GPLD1: variants seen among roughly 807,000 people sequenced by gnomAD.
GPLD1 encodes glycosylphosphatidylinositol specific phospholipase D1.
In GPLD1, 84 loss-of-function variants were observed where a neutral mutation model predicts 112.6. The ratio of observed to expected loss-of-function variants is 0.75; its 90% CI spans 0.63 to 0.89. GPLD1 has a LOEUF of 0.89. Ranked by LOEUF, GPLD1 falls within the 40% of genes least tolerant of loss-of-function variation. The pLI, the probability that GPLD1 is intolerant of heterozygous loss-of-function variation, is 0.00. For synonymous variants in GPLD1, 386 were observed against 403.8 expected (o/e 0.96, Z 0.53); for missense variants, 1,044 against 1,051.5 (o/e 0.99, Z 0.10).
At chr6:24,482,096 G>A (rs1250157893) in intron 2 of GPLD1, among the ~76,000 whole-genome samples, 1 of 102,126 alleles carries the variant, frequency 9.8e-6, no homozygotes, top group Non-Finnish European at 1.9e-5. Flanking sequence ...TGTATTTTTG[G>A]ATTTTTTTTT....
chr6:24,439,999 C>T (rs1025457368), intron 20 of GPLD1, among the ~76,000 whole-genome samples: 13 of 152,152 alleles, frequency 8.5e-5, no homozygotes, highest in African/African-American at 3.1e-4. Flanking sequence ...TAAATACACA[C>T]ACAAGTGTTT....
chr6:24,449,897 G>A lies in GPLD1; in HGVS notation c.1338C>T (p.Pro446=). 6.2e-7 allele frequency: 1 copy of A among 1,609,486 alleles called. No homozygotes were observed. Among genetic ancestry groups the A allele is most frequent in the South Asian group, 1.1e-5 (1 of 90,944 alleles). Reference sequence around the variant, plus strand: ...CCAAGGCCGAGCCAAACCGACCTGAGGGCTGAAGAGGCACAAGTTTACTTC... The same window carrying A: ...CCAAGGCCGAGCCAAACCGACCTGAAGGCTGAAGAGGCACAAGTTTACTTC... ...EAHRILEGFQ[P]SGRFGSALAV... Residue 446 remains proline (P), a splice_region_variant and synonymous_variant, in exon 15 of 25, where the codon CCC becomes CCT. Transcript: ENST00000230036.
upstream of GPLD1, among the ~76,000 whole-genome samples, chr6:24,490,689 T>C (rs1011203752): frequency 3.3e-5 from 5 of 151,588 alleles, no homozygotes; most frequent in Admixed American, 3.3e-4. Flanking sequence ...GAGGTGGAGA[T>C]TGCGGTGAGC....
intron 1 of GPLD1, among the ~76,000 whole-genome samples, chr6:24,488,999 T>C (rs1764475130): frequency 1.3e-5 from 2 of 152,208 alleles, no homozygotes; most frequent in Non-Finnish European, 2.9e-5. Context: ...TATGGCTCTT[T>C]ACATATACTT....
Position 24,426,018 on chromosome 6 carries a change from C to T in GPLD1, c.*3014G>A, listed in dbSNP as rs900954437. 6.6e-6 allele frequency: 1 copy of T among 152,192 alleles called. No individual in the cohort carries two copies. The highest frequency in any genetic ancestry group is 1.5e-5 in the Non-Finnish European group (1 of 68,042). 9.4% of individuals were successfully genotyped at this position (152,192 alleles called of 1,614,324 possible). ...TGCAGAGACCCTAGTTTTGTCCCCA[C>T]TCCATCTTCAAATAATTTTGGTCTC... On this transcript the variant is annotated 3_prime_UTR_variant, in exon 25 of 25. Coordinates refer to ENST00000230036, the MANE Select transcript of GPLD1 (RefSeq NM_001503.4).
chr6:24,428,560 G>C lies in GPLD1; in HGVS notation c.*472C>G, dbSNP rs1271978126. The C allele has an allele frequency of 2.0e-5, 3 of 152,494 alleles. No individual in the cohort carries two copies. Among genetic ancestry groups the C allele is most frequent in the Non-Finnish European group, 2.9e-5 (2 of 68,284 alleles). 9.4% of individuals were successfully genotyped at this position (152,494 alleles called of 1,614,324 possible). A position where few individuals can be genotyped will look rare whatever the true frequency, so the allele number is the denominator to read the frequency against. On this transcript the variant is annotated 3_prime_UTR_variant, in exon 25 of 25. Coordinates refer to ENST00000230036, the MANE Select transcript of GPLD1 (RefSeq NM_001503.4). The stretch of plus-strand genomic sequence containing the variant: ...CCATCCATGTCCCTGCAAAGGGCAT[G>C]ATCTTGTTCTTTCTTTATGGCTGAA...
At chr6:24,454,301 TCTCA>T (rs1424555617) in intron 13 of GPLD1, 100 bp from the exon 14 acceptor site, 2 of 763,008 alleles carry the variant, frequency 2.6e-6, no homozygotes, top group East Asian at 3.0e-5. Context: ...ATTAACTTTC[TCTCA>T]CTGACTTTTC....
At chr6:24,452,262 C>T (rs963322425) in intron 14 of GPLD1, among the ~76,000 whole-genome samples, 1 of 152,194 alleles carries the variant, frequency 6.6e-6, no homozygotes, top group African/African-American at 2.4e-5. Flanking sequence ...ACACAACAGT[C>T]TGTCGGGGAA....
intron 14 of GPLD1, among the ~76,000 whole-genome samples, chr6:24,453,135 C>A (rs774847616): frequency 6.6e-6 from 1 of 152,174 alleles, no homozygotes; most frequent in Non-Finnish European, 1.5e-5. Flanking sequence ...GTAGTCACTG[C>A]GGGTTTTTTC....
At position 24,475,146 on chromosome 6, in the gene GPLD1, T is replaced by TG; in HGVS notation, c.415dup (p.Gln139ProfsTer5). 1 of 1,603,930 alleles carries TG rather than the reference T, an allele frequency of 6.2e-7. No homozygotes were observed. The highest frequency in any genetic ancestry group is 1.3e-5 in the African/African-American group (1 of 74,830). ...AGCTCCCATGGTCCTAAGGAATCCT[T>TG]GTTCAAGGCCCAGACTATGCCAGCT... On this transcript the variant is annotated frameshift_variant, in exon 5 of 25. Coordinates refer to ENST00000230036, the MANE Select transcript of GPLD1 (RefSeq NM_001503.4). LOFTEE classifies it high-confidence loss of function.
intron 15 of GPLD1, among the ~76,000 whole-genome samples, chr6:24,449,109 C>T (rs1410277779): frequency 6.6e-6 from 1 of 151,722 alleles, no homozygotes; most frequent in Non-Finnish European, 1.5e-5. Flanking sequence ...TAAAGAAAGA[C>T]AGGGGAGAAA....
At chr6:24,492,491 G>A (rs1451026592), upstream of GPLD1, among the ~76,000 whole-genome samples, 2 of 114,268 alleles carry the variant, frequency 1.8e-5, no homozygotes, top group African/African-American at 6.9e-5. Flanking sequence ...GGGCGACAGA[G>A]TAAGACCCTG....
At chr6:24,474,534 A>C (rs937818332) in intron 5 of GPLD1, among the ~76,000 whole-genome samples, 6 of 152,194 alleles carry the variant, frequency 3.9e-5, no homozygotes, top group Non-Finnish European at 1.5e-5. Context: ...AAAGCATAAG[A>C]TTTATCAATT....
intron 2 of GPLD1, among the ~76,000 whole-genome samples, chr6:24,483,482 C>T (rs1406920334): frequency 6.6e-6 from 1 of 151,440 alleles, no homozygotes; most frequent in Non-Finnish European, 1.5e-5. Flanking sequence ...AGTTTGAGAC[C>T]AGCCTGGGAA....
At chr6:24,445,984 T>C (rs1375282180) in intron 18 of GPLD1, among the ~76,000 whole-genome samples, 153 bp from the exon 19 acceptor site, 2 of 151,826 alleles carry the variant, frequency 1.3e-5, no homozygotes, top group Non-Finnish European at 2.9e-5. Flanking sequence ...GTGGGGACTA[T>C]TGGAGTTAAT....
chr6:24,481,604 C>A (rs1764206071), intron 2 of GPLD1, among the ~76,000 whole-genome samples: 1 of 152,116 alleles, frequency 6.6e-6, no homozygotes, highest in African/African-American at 2.4e-5. Context: ...GAGTTTGGCT[C>A]AGAAATGGAC....
intron 3 of GPLD1, among the ~76,000 whole-genome samples, chr6:24,477,875 A>T (rs1327422321): frequency 6.6e-6 from 1 of 152,266 alleles, no homozygotes; most frequent in Non-Finnish European, 1.5e-5. Flanking sequence ...TTAGGTATGT[A>T]TGAGACAAGG....
At chr6:24,431,838 G>A (rs1394507944) in intron 24 of GPLD1, among the ~76,000 whole-genome samples, 1 of 152,014 alleles carries the variant, frequency 6.6e-6, no homozygotes, top group African/African-American at 2.4e-5. Context: ...CCCAGCCAAG[G>A]TTAAACTTTT....
chr6:24,451,341 GTTTTTGT>G (rs1763078536), intron 14 of GPLD1, among the ~76,000 whole-genome samples: 6 of 148,928 alleles, frequency 4.0e-5, no homozygotes, highest in East Asian at 1.9e-4. Context: ...TCTTTTTTTT[GTTTTTGT>G]TTTTTGTTTT....
Sources: gnomAD v4.1 joint callset for allele counts (sites outside exome capture counted in the v4.1 genomes callset) on GRCh38, gnomAD v4.1.1 for gene constraint, MANE v1.5 for transcripts, NCBI Gene and HGNC (gene_info 2026-07-23, HGNC 2026-07-21) for gene names.